Variants in ZNF236 observed in about 807,000 individuals in gnomAD.
ZNF236 encodes zinc finger protein 236.
In ZNF236, 50 loss-of-function variants were observed where a neutral mutation model predicts 191.2. The ratio of observed to expected loss-of-function variants is 0.26; its 90% CI spans 0.21 to 0.33. The LOEUF (loss-of-function observed/expected upper bound fraction) is 0.33. Ranked by LOEUF, ZNF236 falls within the 10% of genes least tolerant of loss-of-function variation. The probability of loss-of-function intolerance (pLI) is 1.00; values close to 1 mark genes in which losing one functional copy is unlikely to be tolerated. For missense variants in ZNF236, 1,754 were observed against 2,374.5 expected (o/e 0.74, Z 5.43); for synonymous variants, 907 against 928.8 (o/e 0.98, Z 0.43).
intron 1 of ZNF236, among the ~76,000 whole-genome samples, chr18:76,830,133 T>C (rs1975126199): frequency 6.6e-6 from 1 of 152,202 alleles, no homozygotes; most frequent in African/African-American, 2.4e-5. Context: ...CCTCCCAAAG[T>C]GCTGGGATTA....
intron 30 of ZNF236, among the ~76,000 whole-genome samples, chr18:76,962,253 C>T (rs542268717): frequency 1.6e-4 from 24 of 152,124 alleles, no homozygotes; most frequent in Non-Finnish European, 3.1e-4. Flanking sequence ...TATGAAGATC[C>T]AGTTTCATTC....
In ZNF236 at chr18:76,868,727, A is replaced by T; in HGVS notation, c.406A>T (p.Ser136Cys). The T allele has an allele frequency of 6.2e-7, 1 of 1,613,832 alleles. No individual in the cohort carries two copies. The highest frequency in any genetic ancestry group is 8.5e-7 in the Non-Finnish European group (1 of 1,179,824). ...SECGDEFTLQ[S>C]QLAVHMEEHR... ...GTGTGGGGATGAGTTTACTCTGCAG[A>T]GTCAGCTGGCCGTGCACATGGAGGA... is the stretch of plus-strand genomic sequence containing the variant. Residue 136 changes from serine (S) to cysteine (C), a missense_variant, in exon 4 of 31, where the codon AGT (serine) becomes TGT (cysteine). Coordinates refer to ENST00000320610, the MANE Select transcript of ZNF236 (RefSeq NM_001306089.2).
At chr18:76,854,703 A>G (rs969500618) in intron 3 of ZNF236, among the ~76,000 whole-genome samples, 1 of 152,192 alleles carries the variant, frequency 6.6e-6, no homozygotes, top group Non-Finnish European at 1.5e-5. Context: ...ATCTTTGCAT[A>G]TGAATCTTCT....
intron 7 of ZNF236, among the ~76,000 whole-genome samples, chr18:76,879,887 A>C (rs557820589): frequency 6.6e-6 from 1 of 152,130 alleles, no homozygotes; most frequent in Non-Finnish European, 1.5e-5. Flanking sequence ...TGCTCACTGG[A>C]AAAAACTGTA....
intron 30 of ZNF236, among the ~76,000 whole-genome samples, chr18:76,962,363 C>T (rs896688327): frequency 6.6e-6 from 1 of 152,046 alleles, no homozygotes; most frequent in African/African-American, 2.4e-5. Flanking sequence ...GATCAGTTGG[C>T]TATAAGTATT....
At chr18:76,918,889 A>G (rs1599393624) in intron 19 of ZNF236, among the ~76,000 whole-genome samples, 1 of 152,284 alleles carries the variant, frequency 6.6e-6, no homozygotes. Flanking sequence ...TTTATTGAAT[A>G]ATAACAAGAA....
chr18:76,888,270 G>T (rs1185150978), intron 9 of ZNF236: 1 of 152,362 alleles, frequency 6.6e-6, no homozygotes. Flanking sequence ...GGCTGAGGCA[G>T]GAGAATGGCA....
chr18:76,826,623 C>T (rs1346115668), intron 1 of ZNF236, among the ~76,000 whole-genome samples: 1 of 148,406 alleles, frequency 6.7e-6, no homozygotes, highest in East Asian at 2.1e-4. Flanking sequence ...AAACCCCAGC[C>T]GTACTAAAAA....
intron 13 of ZNF236, among the ~76,000 whole-genome samples, chr18:76,907,776 T>G (rs1254664052): frequency 1.3e-5 from 2 of 152,056 alleles, no homozygotes; most frequent in Non-Finnish European, 2.9e-5. Context: ...TCGTTGACTT[T>G]GATGAATGCT....
At chr18:76,911,930 C>T (rs1967227586) in intron 16 of ZNF236, among the ~76,000 whole-genome samples, 1 of 152,070 alleles carries the variant, frequency 6.6e-6, no homozygotes. Flanking sequence ...GGATTTTATT[C>T]ACTGTCAGTA....
rs376042351 is a variant in ZNF236, at chr18:76,871,804, C to A, written c.646C>A (p.Arg216=). 10 of 1,614,160 alleles carry A rather than the reference C, an allele frequency of 6.2e-6. No individual in the cohort carries two copies. The highest frequency in any genetic ancestry group is 8.5e-6 in the Non-Finnish European group (10 of 1,180,038). The change falls in exon 5 of 31, where the codon CGA becomes AGA. Residue 216 remains arginine (R), a synonymous_variant. Transcript: ENST00000320610. ...KTFQKPSQLT[R]HIRIHTGERP... ...GTTTCAAAAGCCAAGCCAGTTAACG[C>A]GACACATTAGGATACACACAGGTAT...
At position 76,968,243 on chromosome 18, in the gene ZNF236, G is replaced by C; in HGVS notation, c.5448G>C (p.Pro1816=). The C allele has an allele frequency of 3.7e-6, 6 of 1,613,270 alleles. No individual in the cohort carries two copies. Among genetic ancestry groups the C allele is most frequent in the Non-Finnish European group, 5.1e-6 (6 of 1,179,794 alleles). The change falls in exon 31 of 31, where the codon CCG becomes CCC. Residue 1816 remains proline (P), a synonymous_variant. Coordinates refer to ENST00000320610, the MANE Select transcript of ZNF236 (RefSeq NM_001306089.2). Reference sequence around the variant, plus strand: ...CTCTGCAGGAGTCTGCAGGTCACCCGGAGCAGGACGGGGAGGAGCTGAGCC... The same window carrying C: ...CTCTGCAGGAGTCTGCAGGTCACCCCGAGCAGGACGGGGAGGAGCTGAGCC... ...AGALQESAGH[P]EQDGEELSRT...
In ZNF236 at chr18:76,947,455, ATCTT is replaced by A. The variant is rs1279587248; in HGVS notation, c.4783-64_4783-61del. 64 of 1,566,232 alleles carry A rather than the reference ATCTT, an allele frequency of 4.1e-5. No individual in the cohort carries two copies. The Admixed American group carries it at 1.0e-3, about 26-fold the overall frequency. ...TTCCAAGGTAGCTGCACCATAAAAG[ATCTT>A]TTAAATTATTGCTTGTTTTGCTAAA... On this transcript the variant is annotated intron_variant, in intron 26 of 30. Coordinates refer to ENST00000320610, the MANE Select transcript of ZNF236 (RefSeq NM_001306089.2).
chr18:76,968,218 C>CTCTGCAGGAG lies in ZNF236; in HGVS notation c.5432_5441dup (p.His1815ValfsTer74). 1 of 1,613,932 alleles carries CTCTGCAGGAG rather than the reference C, an allele frequency of 6.2e-7. No individual in the cohort carries two copies. The highest frequency in any genetic ancestry group is 8.5e-7 in the Non-Finnish European group (1 of 1,179,924). ...GTTTTCTTTGTCTGCATAACAGGAGCTCTGCAGGAGTCTGCAGGTCACCCG... is the reference window on the plus strand; with the variant it reads ...GTTTTCTTTGTCTGCATAACAGGAGCTCTGCAGGAGTCTGCAGGAGTCTGCAGGTCACCCG... On this transcript the variant is annotated frameshift_variant, in exon 31 of 31. Transcript: ENST00000320610. LOFTEE classifies it high-confidence loss of function.
chr18:76,843,702 G>T (rs1016766326), intron 1 of ZNF236, among the ~76,000 whole-genome samples: 1 of 144,668 alleles, frequency 6.9e-6, no homozygotes, highest in African/African-American at 2.6e-5. Context: ...CTTGAACCTG[G>T]GAAGTGGAGG....
At position 76,972,721 on chromosome 18, in the gene ZNF236, A is replaced by G. The variant is rs539266178; in HGVS notation, c.*4382A>G. 5.9e-5 allele frequency among the ~76,000 whole-genome samples: 9 copies of G among 151,680 alleles called. No individual in the cohort carries two copies. Among genetic ancestry groups the G allele is most frequent in the African/African-American group, 1.9e-4 (8 of 41,322 alleles). Reference sequence around the variant, plus strand: ...TGATTCACCACTAAAGAAAATTTTTAAAGTTAATTTTTTTTAATTACAGAA... The same window carrying G: ...TGATTCACCACTAAAGAAAATTTTTGAAGTTAATTTTTTTTAATTACAGAA... On this transcript the variant is annotated 3_prime_UTR_variant, in exon 31 of 31. Transcript: ENST00000320610.
rs1237600441 is a variant in ZNF236 at position 76,875,418 on chromosome 18, GTGT to G, written c.668-69_668-67del. ...GGAGGGATAGGTTTGGGTAACTTCAGTGTTGTTCTTTTCAATCCGTAAGATGCC... is the reference window on the plus strand; with the variant it reads ...GGAGGGATAGGTTTGGGTAACTTCAGTGTTCTTTTCAATCCGTAAGATGCC... On this transcript the variant is annotated intron_variant, in intron 5 of 30. Coordinates refer to ENST00000320610, the MANE Select transcript of ZNF236 (RefSeq NM_001306089.2). This position sits in a 1 kb window ranked among gnomAD's most constrained non-coding sequence, Gnocchi z 4.3. The G allele has an allele frequency of 1.4e-6, 2 of 1,384,140 alleles. No homozygotes were observed. Among genetic ancestry groups the G allele is most frequent in the Non-Finnish European group, 1.9e-6 (2 of 1,050,216 alleles). 85.7% of individuals were successfully genotyped at this position (1,384,140 alleles called of 1,614,324 possible). A position where few individuals can be genotyped will look rare whatever the true frequency, so the allele number is the denominator to read the frequency against.
intron 1 of ZNF236, among the ~76,000 whole-genome samples, chr18:76,842,425 C>G (rs1975535160): frequency 6.7e-6 from 1 of 149,826 alleles, no homozygotes; most frequent in Admixed American, 6.8e-5. Flanking sequence ...CATCTCTGCT[C>G]CACCCCCCTC....
chr18:76,888,563 CT>C (rs1296769569), intron 9 of ZNF236: 1 of 152,314 alleles, frequency 6.6e-6, no homozygotes, highest in African/African-American at 2.4e-5. Flanking sequence ...TGTTCTGGTC[CT>C]TGAAAGCAGA....
Sources: gnomAD v4.1 joint callset for allele counts (sites outside exome capture counted in the v4.1 genomes callset) on GRCh38, gnomAD v4.1.1 for gene constraint, Gnocchi (gnomAD v3.1) non-coding constraint, MANE v1.5 for transcripts, NCBI Gene and HGNC (gene_info 2026-07-23, HGNC 2026-07-21) for gene names.